Variants in WDR41 observed in about 807,000 individuals in gnomAD.
The protein encoded by WDR41 is WD repeat domain 41.
In WDR41, 63 loss-of-function variants were observed where a neutral mutation model predicts 69.3. The observed-to-expected ratio is 0.91, with a 90% CI of 0.74 to 1.12. WDR41 has a LOEUF of 1.12. WDR41 is among the 50% of genes most tolerant of loss of function. The pLI, the probability that WDR41 is intolerant of heterozygous loss-of-function variation, is 0.00. For synonymous variants in WDR41, 185 were observed against 192.1 expected (o/e 0.96, Z 0.31); for missense variants, 543 against 534.5 (o/e 1.02, Z -0.16).
rs114429345 is a variant in WDR41, at chr5:77,531,872, C to A, written c.43-42300G>T. Among the ~76,000 whole-genome samples, 714 of 152,004 alleles carry A rather than the reference C, an allele frequency of 4.7e-3. 1 individual carries two copies. Among genetic ancestry groups the A allele is most frequent in the African/African-American group, 0.017 (688 of 41,528 alleles). ...ACACAAAAGGTCGCATATTATATGACTCCATTCATATAAAATATCCAAAAG... is the reference window on the plus strand; with the variant it reads ...ACACAAAAGGTCGCATATTATATGAATCCATTCATATAAAATATCCAAAAG... On this transcript the variant is annotated intron_variant, in intron 1 of 5. Transcript: ENST00000509971.
intron 1 of WDR41, among the ~76,000 whole-genome samples, chr5:77,551,282 T>A (rs1303447219): frequency 6.6e-6 from 1 of 152,212 alleles, no homozygotes; most frequent in Non-Finnish European, 1.5e-5. Flanking sequence ...ATTTTGTATG[T>A]TTAAGAAGGG....
chr5:77,613,414 C>T (rs1189694475), intron 1 of WDR41, among the ~76,000 whole-genome samples: 1 of 151,856 alleles, frequency 6.6e-6, no homozygotes, highest in African/African-American at 2.4e-5. Context: ...GCTACAGTAA[C>T]CAAAACAGCA....
At chr5:77,564,542 G>A (rs1476225216) in intron 1 of WDR41, among the ~76,000 whole-genome samples, 5 of 152,118 alleles carry the variant, frequency 3.3e-5, no homozygotes, top group South Asian at 2.1e-4. Flanking sequence ...ATCATCTCAC[G>A]TTCTAAATGA....
chr5:77,588,897 G>A (rs1168858828), intron 1 of WDR41, among the ~76,000 whole-genome samples: 1 of 152,156 alleles, frequency 6.6e-6, no homozygotes, highest in Non-Finnish European at 1.5e-5. Flanking sequence ...TATTTTCTCA[G>A]TAGAGCACAT....
chr5:77,522,338 A>C (rs535556070), intron 1 of WDR41, among the ~76,000 whole-genome samples: 18 of 152,284 alleles, frequency 1.2e-4, no homozygotes, highest in African/African-American at 4.3e-4. Context: ...GGAAGAAGGA[A>C]TCTTTAAAAG....
At position 77,432,841 on chromosome 5, in the gene WDR41, G is replaced by A; in HGVS notation, c.*294C>T. On this transcript the variant is annotated 3_prime_UTR_variant, in exon 13 of 13. Coordinates refer to ENST00000296679, the MANE Select transcript of WDR41 (RefSeq NM_018268.4). ...CATAACTTAACTATTACCTCTATTT[G>A]TACCTTTCACAAGGATCTAGGTTCA... 1 of 246,072 alleles carries A rather than the reference G, an allele frequency of 4.1e-6. No individual in the cohort carries two copies. The highest frequency in any genetic ancestry group is 7.7e-6 in the Non-Finnish European group (1 of 130,430). 15.2% of individuals were successfully genotyped at this position (246,072 alleles called of 1,614,324 possible).
chr5:77,595,090 AAAGT>A (rs1218300352), intron 1 of WDR41, among the ~76,000 whole-genome samples: 1 of 152,214 alleles, frequency 6.6e-6, no homozygotes, highest in Non-Finnish European at 1.5e-5. Context: ...TGAATATTGA[AAAGT>A]AAAATTCAGA....
chr5:77,544,262 C>A (rs1303409856), intron 1 of WDR41, among the ~76,000 whole-genome samples: 1 of 151,810 alleles, frequency 6.6e-6, no homozygotes, highest in Non-Finnish European at 1.5e-5. Context: ...AACAAAAAAA[C>A]AAAAAATCAA....
At chr5:77,479,260 T>C (rs1020569249) in intron 2 of WDR41, among the ~76,000 whole-genome samples, 16 of 151,746 alleles carry the variant, frequency 1.1e-4, no homozygotes, top group Admixed American at 9.2e-4. Flanking sequence ...AGGTAATTTA[T>C]AGATTCAGTG....
intron 1 of WDR41, among the ~76,000 whole-genome samples, chr5:77,536,752 G>T (rs895848069): frequency 1.1e-4 from 16 of 152,136 alleles, no homozygotes; most frequent in Non-Finnish European, 5.9e-5. Flanking sequence ...GCAATAGGCT[G>T]TACCGTGTAG....
intron 1 of WDR41, among the ~76,000 whole-genome samples, chr5:77,507,529 T>C (rs1366279774): frequency 2.0e-5 from 3 of 152,230 alleles, no homozygotes; most frequent in African/African-American, 7.2e-5. Context: ...AGCCTTCACA[T>C]GAAACTTTCC....
chr5:77,518,818 G>A (rs559840616), intron 1 of WDR41, among the ~76,000 whole-genome samples: 1 of 151,974 alleles, frequency 6.6e-6, no homozygotes, highest in Non-Finnish European at 1.5e-5. Context: ...AATAATATAT[G>A]TCTAAATAAA....
At chr5:77,479,424 A>G (rs1385821809) in intron 2 of WDR41, among the ~76,000 whole-genome samples, 2 of 152,132 alleles carry the variant, frequency 1.3e-5, no homozygotes, top group African/African-American at 4.8e-5. Flanking sequence ...TTCAAACTAT[A>G]CTACAAGGCT....
intron 1 of WDR41, among the ~76,000 whole-genome samples, chr5:77,516,675 G>A (rs1334919550): frequency 1.3e-5 from 2 of 152,188 alleles, no homozygotes; most frequent in Non-Finnish European, 2.9e-5. Context: ...CAGCAGAATT[G>A]ATGAAGGGAT....
intron 2 of WDR41, among the ~76,000 whole-genome samples, chr5:77,476,671 A>C (rs1800947923): frequency 2.0e-5 from 3 of 151,964 alleles, no homozygotes; most frequent in Admixed American, 2.0e-4. Context: ...CTCCTGAAGG[A>C]AGTGCTAAAC....
chr5:77,454,730 T>C (rs1799761866), intron 5 of WDR41, among the ~76,000 whole-genome samples: 1 of 152,216 alleles, frequency 6.6e-6, no homozygotes, highest in Non-Finnish European at 1.5e-5. Flanking sequence ...GTTCTGGTAA[T>C]CTTGCCTAGG....
At chr5:77,573,182 T>A (rs952747898) in intron 1 of WDR41, among the ~76,000 whole-genome samples, 1 of 152,136 alleles carries the variant, frequency 6.6e-6, no homozygotes, top group African/African-American at 2.4e-5. Flanking sequence ...CAGAAACTAA[T>A]GGTATATTAA....
chr5:77,597,189 G>T (rs1167029733), intron 1 of WDR41, among the ~76,000 whole-genome samples: 1 of 152,040 alleles, frequency 6.6e-6, no homozygotes, highest in Non-Finnish European at 1.5e-5. Context: ...TCTTGAAAGG[G>T]GAGGGGACCC....
chr5:77,433,894 C>G (rs1209808404), intron 12 of WDR41, among the ~76,000 whole-genome samples: 3 of 152,082 alleles, frequency 2.0e-5, no homozygotes, highest in African/African-American at 7.2e-5. Context: ...AAGGGGCTTG[C>G]CCAGTGAAGG....
Sources: allele counts gnomAD v4.1 joint callset (sites outside exome capture counted in the v4.1 genomes callset), GRCh38; gene constraint gnomAD v4.1.1; transcripts MANE v1.5; gene names NCBI Gene and HGNC (gene_info 2026-07-23, HGNC 2026-07-21).